DZIP3: variants seen among roughly 807,000 people sequenced by gnomAD.
The protein encoded by DZIP3 is DAZ interacting zinc finger protein 3, also known as E3 ubiquitin-protein ligase DZIP3.
Under a neutral mutation model 162.0 loss-of-function variants are expected in DZIP3, and 118 were observed. The ratio of observed to expected loss-of-function variants is 0.73; its 90% CI spans 0.63 to 0.85. The LOEUF (loss-of-function observed/expected upper bound fraction) is 0.85, where lower values mean the gene tolerates loss of function less well. Ranked by LOEUF, DZIP3 falls within the 40% of genes least tolerant of loss-of-function variation. The pLI, the probability that DZIP3 is intolerant of heterozygous loss-of-function variation, is 0.00. For missense variants in DZIP3, 1,331 were observed against 1,407.0 expected, an observed-to-expected ratio of 0.95 and a Z score of 0.86; for synonymous variants, 438 against 458.6, an observed-to-expected ratio of 0.96 and a Z score of 0.57.
chr3:108,658,101 G>C (rs990827407), intron 19 of DZIP3, among the ~76,000 whole-genome samples: 2 of 152,036 alleles, frequency 1.3e-5, no homozygotes, highest in African/African-American at 4.8e-5. Context: ...AGTTAACAAG[G>C]ATATCCAGGA....
At chr3:108,676,900 G>A (rs1944131416) in intron 25 of DZIP3, among the ~76,000 whole-genome samples, 1 of 152,068 alleles carries the variant, frequency 6.6e-6, no homozygotes, top group African/African-American at 2.4e-5. Context: ...AAGCAAAAGT[G>A]GGGACAATGC....
chr3:108,684,443 A>G, intron 27 of DZIP3, 102 bp downstream of exon 27: 1 of 1,379,178 alleles, frequency 7.3e-7, no homozygotes, highest in Non-Finnish European at 9.9e-7. Context: ...TTGATATGAT[A>G]ATGATGGGGG....
chr3:108,632,554 C>T (rs1028354703), intron 8 of DZIP3, among the ~76,000 whole-genome samples: 16 of 152,234 alleles, frequency 1.1e-4, no homozygotes, highest in Non-Finnish European at 1.8e-4. Flanking sequence ...CAGTGACCTA[C>T]AGGTTGCTTC....
At chr3:108,598,909 A>G (rs1433121266) in intron 1 of DZIP3, among the ~76,000 whole-genome samples, 1 of 152,164 alleles carries the variant, frequency 6.6e-6, no homozygotes, top group Non-Finnish European at 1.5e-5. Flanking sequence ...GTATCTGGAT[A>G]GTTTTTCAGG....
intron 16 of DZIP3, 57 bp downstream of exon 16, chr3:108,648,169 T>C (rs1942711902): frequency 1.4e-6 from 2 of 1,478,740 alleles, no homozygotes; most frequent in Non-Finnish European, 1.8e-6. Context: ...CTTTAATTTG[T>C]TGCATGTGCT....
intron 12 of DZIP3, among the ~76,000 whole-genome samples, chr3:108,641,348 ATATT>A (rs1167712332): frequency 6.6e-6 from 1 of 152,186 alleles, no homozygotes; most frequent in Non-Finnish European, 1.5e-5. Context: ...TTTTAAAATC[ATATT>A]TAGTGTGATT....
At chr3:108,603,215 C>T (rs1041693386) in intron 1 of DZIP3, 16 of 152,134 alleles carry the variant, frequency 1.1e-4, no homozygotes, top group African/African-American at 2.7e-4. Flanking sequence ...CTGGAAAAGG[C>T]GTACATTTGT....
At chr3:108,646,915 C>T (rs1202511470) in intron 15 of DZIP3, among the ~76,000 whole-genome samples, 2 of 152,084 alleles carry the variant, frequency 1.3e-5, no homozygotes, top group Non-Finnish European at 1.5e-5. Flanking sequence ...GTGGCGGGTG[C>T]CTGTAGTCCC....
chr3:108,631,351 C>A (rs963164224), intron 8 of DZIP3, among the ~76,000 whole-genome samples: 14 of 151,604 alleles, frequency 9.2e-5, no homozygotes, highest in African/African-American at 3.4e-4. Flanking sequence ...CCTTTGTATA[C>A]TCTGTTCATA....
chr3:108,690,698 A>G (rs898950789), intron 31 of DZIP3, 89 bp from the exon 32 acceptor site: 7 of 1,136,496 alleles, frequency 6.2e-6, no homozygotes, highest in Non-Finnish European at 7.8e-6. Flanking sequence ...ACCAGAAGAC[A>G]TGTTGGTTGG....
intron 31 of DZIP3, 137 bp from the exon 32 acceptor site, chr3:108,690,650 T>C: frequency 1.5e-6 from 1 of 685,968 alleles, no homozygotes; most frequent in Non-Finnish European, 2.4e-6. Context: ...GTTGCAGCAA[T>C]TGGTTTGACG....
chr3:108,629,481 T>G (rs1941730190), intron 8 of DZIP3, among the ~76,000 whole-genome samples: 1 of 152,166 alleles, frequency 6.6e-6, no homozygotes, highest in South Asian at 2.1e-4. Flanking sequence ...TTGCTGTTGA[T>G]TTAAATTACA....
At chr3:108,649,051 T>C (rs1942753684) in intron 17 of DZIP3, 89 bp downstream of exon 17, 5 of 758,506 alleles carry the variant, frequency 6.6e-6, no homozygotes, top group African/African-American at 1.9e-5. Flanking sequence ...TTAGTTCAAG[T>C]AGACATATAG....
At chr3:108,658,832 A>G (rs1576431489) in intron 19 of DZIP3, among the ~76,000 whole-genome samples, 1 of 152,340 alleles carries the variant, frequency 6.6e-6, no homozygotes, top group East Asian at 1.9e-4. Flanking sequence ...CCACAGAAAT[A>G]CAAACTACCA....
At chr3:108,660,937 A>G (rs1576435851) in intron 19 of DZIP3, among the ~76,000 whole-genome samples, 1 of 152,228 alleles carries the variant, frequency 6.6e-6, no homozygotes, top group South Asian at 2.1e-4. Context: ...ACAATGAGAT[A>G]CCATCTCACA....
rs748563044 is a variant in DZIP3 at position 108,687,966 on chromosome 3, T to C, written c.3150-10T>C. On this transcript the variant is annotated splice_polypyrimidine_tract_variant and intron_variant, in intron 28 of 32. Transcript: ENST00000361582. The stretch of plus-strand genomic sequence containing the variant: ...CATTACTGCCCTTTCCTTTCCTTGA[T>C]CTCTTGCAGAAAGGAACTTACAGAT... The C allele has an allele frequency of 4.3e-6, 7 of 1,613,406 alleles. No homozygotes were observed. Among genetic ancestry groups the C allele is most frequent in the Admixed American group, 1.7e-5 (1 of 60,004 alleles).
intron 19 of DZIP3, among the ~76,000 whole-genome samples, chr3:108,657,287 C>T (rs1367431102): frequency 6.6e-6 from 1 of 152,184 alleles, no homozygotes; most frequent in Non-Finnish European, 1.5e-5. Context: ...AACAGCTGAT[C>T]TCTTGGCAGA....
intron 26 of DZIP3, among the ~76,000 whole-genome samples, chr3:108,682,485 G>T (rs1345905569): frequency 6.6e-6 from 1 of 150,812 alleles, no homozygotes; most frequent in Non-Finnish European, 1.5e-5. Context: ...TGACCCTGGA[G>T]GACGTTATGT....
Position 108,642,531 on chromosome 3 carries a change from A to G in DZIP3, c.1141+17A>G. 9.0e-6 allele frequency: 13 copies of G among 1,437,724 alleles called. No homozygotes were observed. Among genetic ancestry groups the G allele is most frequent in the South Asian group, 1.3e-5 (1 of 75,818 alleles). The allele number at this position is 1,437,724 out of a possible 1,614,324, so 89.1% of individuals were successfully genotyped here. A position where few individuals can be genotyped will look rare whatever the true frequency, so the allele number is the denominator to read the frequency against. On this transcript the variant is annotated intron_variant, in intron 13 of 32. Transcript: ENST00000361582. Reference sequence around the variant, plus strand: ...ATACAAAAGGTATTATTTTATTTTTATATGCCTTCTGTTGAAAAGTATGTT... The same window carrying G: ...ATACAAAAGGTATTATTTTATTTTTGTATGCCTTCTGTTGAAAAGTATGTT...
Sources: gnomAD v4.1 joint callset for allele counts (sites outside exome capture counted in the v4.1 genomes callset) on GRCh38, gnomAD v4.1.1 for gene constraint, MANE v1.5 for transcripts, NCBI Gene and HGNC (gene_info 2026-07-23, HGNC 2026-07-21) for gene names.